The following CFTR variants were observed in gnomAD, a reference collection of about 807,000 sequenced individuals.
CFTR encodes cystic fibrosis transmembrane conductance regulator.
Under a neutral mutation model 171.6 loss-of-function variants are expected in CFTR, and 181 were observed. That is an observed-to-expected ratio of 1.05 (90% CI 0.93 to 1.19). CFTR has a LOEUF of 1.19. CFTR is among the 50% of genes most tolerant of loss of function. The probability of loss-of-function intolerance (pLI) is 0.00; values close to 1 mark genes in which losing one functional copy is unlikely to be tolerated. For missense variants in CFTR, 1,968 were observed against 1,734.7 expected (o/e 1.13, Z -2.39); for synonymous variants, 583 against 608.0 (o/e 0.96, Z 0.60).
rs763439293 is a variant in CFTR at position 117,535,307 on chromosome 7, G to A, written c.639G>A (p.Gly213=). 2.5e-6 allele frequency: 4 copies of A among 1,614,062 alleles called. No individual in the cohort carries two copies. The highest frequency in any genetic ancestry group is 2.2e-5 in the East Asian group (1 of 44,874). The change falls in exon 6 of 27, where the codon GGG becomes GGA. Residue 213 remains glycine, a synonymous_variant. Coordinates refer to ENST00000003084, the MANE Select transcript of CFTR (RefSeq NM_000492.4). ...IAPLQVALLM[G]LIWELLQASA... Reference sequence around the variant, plus strand: ...CTTTGCAAGTGGCACTCCTCATGGGGCTAATCTGGGAGTTGTTACAGGCGT... The same window carrying A: ...CTTTGCAAGTGGCACTCCTCATGGGACTAATCTGGGAGTTGTTACAGGCGT...
intron 1 of CFTR, among the ~76,000 whole-genome samples, chr7:117,502,405 T>G (rs985395303): frequency 6.6e-6 from 1 of 152,238 alleles, no homozygotes; most frequent in African/African-American, 2.4e-5. Flanking sequence ...CTCATGTTTA[T>G]GAAGGCACTT....
At position 117,542,092 on chromosome 7, in the gene CFTR, C is replaced by A; in HGVS notation, c.1193C>A (p.Thr398Lys). The A allele has an allele frequency of 6.3e-7, 1 of 1,589,020 alleles. No individual in the cohort carries two copies. The change falls in exon 9 of 27, where the codon ACA becomes AAA. Residue 398 changes from threonine to lysine, a missense_variant. Thr to Lys is a moderately conservative substitution (Grantham distance 78, BLOSUM62 -1). Transcript: ENST00000003084. Reference sequence around the variant, plus strand: ...ACAGAAGTAGTGATGGAGAATGTAACAGCCTTCTGGGAGGAGGTCAGAATT... The same window carrying A: ...ACAGAAGTAGTGATGGAGAATGTAAAAGCCTTCTGGGAGGAGGTCAGAATT... ...TTTEVVMENV[T>K]AFWEEGFGEL...
chr7:117,667,036 G>T lies in CFTR; in HGVS notation c.4371G>T (p.Lys1457Asn), dbSNP rs774196298. ...VKLFPHRNSS[K>N]CKSKPQIAAL... ...TCTTTCCCCACCGGAACTCAAGCAA[G>T]TGCAAGTCTAAGCCCCAGATTGCTG... is the stretch of plus-strand genomic sequence containing the variant. The change falls in exon 27 of 27, where the codon AAG (lysine) becomes AAT (asparagine). Residue 1457 changes from lysine to asparagine, a missense_variant. Physicochemically the swap from Lys to Asn is moderately conservative, Grantham distance 94 (BLOSUM62 0). Transcript: ENST00000003084. The T allele has an allele frequency of 6.2e-7, 1 of 1,614,058 alleles. No homozygotes were observed. Among genetic ancestry groups the T allele is most frequent in the Admixed American group, 1.7e-5 (1 of 60,010 alleles).
At chr7:117,612,049 A>ATATATATATATG (rs1792413775) in intron 20 of CFTR, among the ~76,000 whole-genome samples, 2 of 73,160 alleles carry the variant, frequency 2.7e-5, no homozygotes, top group Non-Finnish European at 5.6e-5. Flanking sequence ...ATATATATAT[A>ATATATATATATG]TATACATATA....
rs531602206 is a variant in CFTR, at chr7:117,580,985, C to T, written c.1585-6754C>T. 1.4e-4 allele frequency among the ~76,000 whole-genome samples: 21 copies of T among 152,260 alleles called. No individual in the cohort carries two copies. In the South Asian group the frequency reaches 2.5e-3, roughly 18 times the overall value. ...GATTAGTCATCCTAAAAGCAAGATACATTTTCTCAGAAAAGACAAGGTAAA... is the reference window on the plus strand; with the variant it reads ...GATTAGTCATCCTAAAAGCAAGATATATTTTCTCAGAAAAGACAAGGTAAA... On this transcript the variant is annotated intron_variant, in intron 11 of 26. Transcript: ENST00000003084.
chr7:117,547,715 G>A (rs779679529), intron 9 of CFTR, among the ~76,000 whole-genome samples: 8 of 152,058 alleles, frequency 5.3e-5, no homozygotes, highest in African/African-American at 1.9e-4. Context: ...TTCTCTCATG[G>A]TCCCTTTGTT....
intron 11 of CFTR, among the ~76,000 whole-genome samples, chr7:117,576,609 C>G (rs957647067): frequency 5.9e-5 from 9 of 152,000 alleles, no homozygotes; most frequent in African/African-American, 2.2e-4. Context: ...ATAACAATAA[C>G]TTTATTATTT....
rs150683293 is a variant in CFTR at position 117,664,853 on chromosome 7, G to A, written c.4129G>A (p.Asp1377Asn). ...GCTTGATGAACCCAGTGCTCATTTG[G>A]ATCCAGTGTGAGTTTCAGATGTTCT... is the stretch of plus-strand genomic sequence containing the variant. ...LLLDEPSAHLDPVTYQIIRRT... is the reference protein window; with the variant it reads ...LLLDEPSAHLNPVTYQIIRRT... The change falls in exon 25 of 27, where the codon GAT becomes AAT. Residue 1377 changes from aspartate (D) to asparagine (N), a missense_variant. Physicochemically the swap from Asp to Asn is conservative, Grantham distance 23 (BLOSUM62 1). Transcript: ENST00000003084. The A allele has an allele frequency of 3.7e-6, 6 of 1,613,786 alleles. No homozygotes were observed. In the African/African-American group the frequency reaches 6.7e-5, roughly 18 times the overall value.
At chr7:117,596,386 C>A (rs995126525) in intron 15 of CFTR, among the ~76,000 whole-genome samples, 5 of 152,232 alleles carry the variant, frequency 3.3e-5, no homozygotes, top group African/African-American at 7.2e-5. Flanking sequence ...GAGCCTCCCC[C>A]CAACCTGCCG....
intron 24 of CFTR, among the ~76,000 whole-genome samples, chr7:117,654,190 CT>C (rs756083458): frequency 9.2e-5 from 14 of 152,142 alleles, no homozygotes; most frequent in South Asian, 2.1e-4. Flanking sequence ...CCTGGTGGTT[CT>C]ACTGGTCTGG....
At chr7:117,642,964 C>A (rs1230228434) in intron 23 of CFTR, among the ~76,000 whole-genome samples, 1 of 152,092 alleles carries the variant, frequency 6.6e-6, no homozygotes, top group Non-Finnish European at 1.5e-5. Context: ...CCTGAAATAA[C>A]AAACACTTGG....
intron 3 of CFTR, among the ~76,000 whole-genome samples, chr7:117,520,276 T>G (rs1798665271): frequency 6.6e-6 from 1 of 151,182 alleles, no homozygotes; most frequent in Non-Finnish European, 1.5e-5. Flanking sequence ...TTTTTTTTTT[T>G]TTTTTTACAA....
Position 117,591,976 on chromosome 7 carries a change from C to A in CFTR, c.1809C>A (p.Val603=). The A allele has an allele frequency of 1.3e-6, 2 of 1,595,516 alleles. No homozygotes were observed. Among genetic ancestry groups the A allele is most frequent in the South Asian group, 2.3e-5 (2 of 86,022 alleles). The part of the protein sequence containing the change: ...KLMANKTRIL[V]TSKMEHLKKA... ...TGGCTAACAAAACTAGGATTTTGGT[C>A]ACTTCTAAAATGGAACATTTAAAGA... The change falls in exon 14 of 27, where the codon GTC becomes GTA. Residue 603 remains valine, a synonymous_variant. Transcript: ENST00000003084.
At chr7:117,540,489 A>G (rs959022358) in intron 8 of CFTR, 143 bp downstream of exon 8, 7 of 721,862 alleles carry the variant, frequency 9.7e-6, no homozygotes, top group Non-Finnish European at 9.0e-6. Context: ...GCCAGCTAAT[A>G]CTAGGAATGT....
intron 12 of CFTR, 64 bp downstream of exon 12, chr7:117,587,897 C>G: frequency 9.9e-7 from 1 of 1,008,794 alleles, no homozygotes; most frequent in South Asian, 1.3e-5. Context: ...AAAAAAATTA[C>G]AGACATTTCT....
intron 4 of CFTR, among the ~76,000 whole-genome samples, chr7:117,533,734 T>C (rs1398210977): frequency 6.6e-6 from 1 of 152,188 alleles, no homozygotes; most frequent in African/African-American, 2.4e-5. Context: ...AAAAATAATT[T>C]ACCTGCTTAA....
chr7:117,624,935 T>C (rs1792629920), intron 21 of CFTR, among the ~76,000 whole-genome samples: 1 of 152,168 alleles, frequency 6.6e-6, no homozygotes, highest in Admixed American at 6.6e-5. Context: ...ATGTGGCCTC[T>C]CCTTCCAGAG....
chr7:117,543,866 G>T (rs1025210868), intron 9 of CFTR, among the ~76,000 whole-genome samples: 6 of 152,236 alleles, frequency 3.9e-5, no homozygotes, highest in Middle Eastern at 3.4e-3. Flanking sequence ...ACTGTACTTA[G>T]AACTTATATT....
At chr7:117,646,645 C>G (rs1344634313) in intron 23 of CFTR, among the ~76,000 whole-genome samples, 3 of 152,046 alleles carry the variant, frequency 2.0e-5, no homozygotes, top group African/African-American at 7.2e-5. Flanking sequence ...GTGGAGGACA[C>G]TGCTGCTGCT....
Sources: gnomAD v4.1 joint callset for allele counts (sites outside exome capture counted in the v4.1 genomes callset) on GRCh38, gnomAD v4.1.1 for gene constraint, MANE v1.5 for transcripts, NCBI Gene and HGNC (gene_info 2026-07-23, HGNC 2026-07-21) for gene names.